CRB1: variants seen among roughly 807,000 people sequenced by gnomAD.
CRB1 encodes the protein protein crumbs homolog 1.
CRB1 carries 83 observed loss-of-function variants against 120.0 expected under a neutral mutation model. The observed-to-expected ratio is 0.69, with a 90% CI of 0.58 to 0.83. The LOEUF is 0.83. CRB1 is among the 40% of genes least tolerant of loss of function. CRB1 has a pLI of 0.00. For synonymous variants in CRB1, 625 were observed against 612.5 expected, an observed-to-expected ratio of 1.02 and a Z score of -0.30; for missense variants, 1,699 against 1,687.6, an observed-to-expected ratio of 1.01 and a Z score of -0.12.
intron 5 of CRB1, among the ~76,000 whole-genome samples, chr1:197,392,959 C>T (rs1253152693): frequency 1.3e-5 from 2 of 151,860 alleles, no homozygotes; most frequent in Non-Finnish European, 2.9e-5. Flanking sequence ...AAGTAATATC[C>T]AGGGAAAAGG....
intron 5 of CRB1, among the ~76,000 whole-genome samples, chr1:197,396,589 C>G (rs1464668117): frequency 1.3e-5 from 2 of 152,102 alleles, no homozygotes; most frequent in South Asian, 2.1e-4. Flanking sequence ...TATAGAAGCA[C>G]AGCAATCAAG....
chr1:197,337,058 T>C (rs933432181), intron 2 of CRB1, among the ~76,000 whole-genome samples: 9 of 152,174 alleles, frequency 5.9e-5, no homozygotes, highest in Admixed American at 1.3e-4. Flanking sequence ...AAAATGTATA[T>C]GTTGAAATGC....
rs759271176 is a variant in CRB1 at position 197,344,496 on chromosome 1, G to T, written c.848+20G>T. 2.2e-5 allele frequency: 35 copies of T among 1,610,584 alleles called. No homozygotes were observed. Among genetic ancestry groups the T allele is most frequent in the Non-Finnish European group, 2.9e-5 (34 of 1,176,962 alleles). ...AAACAGGTACATTTTCTCTGGCGTT[G>T]GGTGATTGGCTTAGAACTCCCTGAC... On this transcript the variant is annotated intron_variant, in intron 3 of 11. Coordinates refer to ENST00000367400, the MANE Select transcript of CRB1 (RefSeq NM_201253.3).
chr1:197,244,315 GT>G, the CRB1 span, among the ~76,000 whole-genome samples: 1 of 151,974 alleles, frequency 6.6e-6, no homozygotes, highest in Non-Finnish European at 1.5e-5. Flanking sequence ...GCTGGTATGG[GT>G]TTTTTCTTTC....
chr1:197,337,123 G>A (rs1021042158), intron 2 of CRB1, among the ~76,000 whole-genome samples: 2 of 152,162 alleles, frequency 1.3e-5, no homozygotes, highest in African/African-American at 4.8e-5. Context: ...TCATTGCGGG[G>A]AAGCTCTCAT....
At chr1:197,257,129 A>G in the CRB1 span, among the ~76,000 whole-genome samples, 1 of 152,050 alleles carries the variant, frequency 6.6e-6, no homozygotes, top group South Asian at 2.1e-4. Flanking sequence ...ATAGGCCTGA[A>G]AACTGGGGGG....
the CRB1 span, among the ~76,000 whole-genome samples, chr1:197,237,873 T>A: frequency 6.6e-6 from 1 of 152,156 alleles, no homozygotes; most frequent in Non-Finnish European, 1.5e-5. Flanking sequence ...TATTATTTTC[T>A]TCTTTCTGAT....
the CRB1 span, among the ~76,000 whole-genome samples, chr1:197,240,891 T>C: frequency 1.3e-5 from 2 of 152,220 alleles, no homozygotes; most frequent in South Asian, 2.1e-4. Context: ...ATGATCACCA[T>C]TGAAACTGGC....
At chr1:197,245,270 T>C in the CRB1 span, among the ~76,000 whole-genome samples, 3 of 152,060 alleles carry the variant, frequency 2.0e-5, no homozygotes, top group Non-Finnish European at 4.4e-5. Context: ...TTAAGAGGCT[T>C]TAAAAATTTT....
the CRB1 span, among the ~76,000 whole-genome samples, chr1:197,237,784 T>G: frequency 2.6e-5 from 4 of 152,304 alleles, no homozygotes; most frequent in Admixed American, 6.5e-5. Flanking sequence ...GTTCATCAAT[T>G]TTATTGATTA....
chr1:197,214,451 G>T, the CRB1 span, among the ~76,000 whole-genome samples: 1 of 152,082 alleles, frequency 6.6e-6, no homozygotes, highest in South Asian at 2.1e-4. Flanking sequence ...GTTCCACAGG[G>T]CCTACTCTGG....
At chr1:197,456,148 A>G (rs1379865427) in intron 11 of CRB1, among the ~76,000 whole-genome samples, 1 of 152,076 alleles carries the variant, frequency 6.6e-6, no homozygotes, top group Non-Finnish European at 1.5e-5. Context: ...GTACTTCTAT[A>G]TTTGTTATTT....
chr1:197,312,530 C>T lies in CRB1; in HGVS notation c.71-15892C>T, dbSNP rs559921167. ...CCAGGATGGGGAGGTTGCAGTGAGT[C>T]GAGATGGCACCACTGCACTCCAGCC... On this transcript the variant is annotated intron_variant, in intron 1 of 11. Coordinates refer to ENST00000367400, the MANE Select transcript of CRB1 (RefSeq NM_201253.3). 2.0e-5 allele frequency among the ~76,000 whole-genome samples: 3 copies of T among 152,236 alleles called. No individual in the cohort carries two copies. In the South Asian group the frequency reaches 6.2e-4, roughly 32 times the overall value.
At chr1:197,395,470 T>A (rs989149300) in intron 5 of CRB1, among the ~76,000 whole-genome samples, 5 of 152,094 alleles carry the variant, frequency 3.3e-5, no homozygotes, top group Non-Finnish European at 5.9e-5. Flanking sequence ...TGTAAAAAAT[T>A]AACAGAGCAG....
intron 1 of CRB1, among the ~76,000 whole-genome samples, chr1:197,327,553 G>A (rs1658588536): frequency 6.6e-6 from 1 of 151,894 alleles, no homozygotes; most frequent in Admixed American, 6.6e-5. Context: ...ACACACACAA[G>A]AAATATATTT....
At chr1:197,429,311 A>G (rs1339757212) in intron 7 of CRB1, 138 bp from the exon 8 acceptor site, 1 of 1,319,676 alleles carries the variant, frequency 7.6e-7, no homozygotes, top group Non-Finnish European at 1.1e-6. Flanking sequence ...TATTTAGTTA[A>G]CAATGGATCT....
At chr1:197,439,891 G>A (rs1189719168) in intron 10 of CRB1, 1 of 152,112 alleles carries the variant, frequency 6.6e-6, no homozygotes, top group Admixed American at 6.6e-5. Flanking sequence ...TTACAAAACA[G>A]CGGGGAGTCT....
intron 11 of CRB1, among the ~76,000 whole-genome samples, chr1:197,472,054 A>G (rs1488008804): frequency 6.6e-6 from 1 of 152,226 alleles, no homozygotes; most frequent in African/African-American, 2.4e-5. Flanking sequence ...TAATTTTTCC[A>G]TGAATCACTA....
At position 197,421,805 on chromosome 1, in the gene CRB1, GTCTGGCTCA is replaced by G. The variant is rs1664344105; in HGVS notation, c.1980_1988del (p.Gly661_Ser663del). The G allele has an allele frequency of 6.2e-7, 1 of 1,614,014 alleles. No homozygotes were observed. On this transcript the variant is annotated inframe_deletion, in exon 6 of 12. Transcript: ENST00000367400. ...ATCACATTACCCTGGAGAACATCTC[GTCTGGCTCA>G]TCATTAAATGTCAAGGCAGGCTGTG...
Sources: gnomAD v4.1 joint callset for allele counts (sites outside exome capture counted in the v4.1 genomes callset) on GRCh38, gnomAD v4.1.1 for gene constraint, MANE v1.5 for transcripts, NCBI Gene and HGNC (gene_info 2026-07-23, HGNC 2026-07-21) for gene names.